The following KCNH8 variants were observed in gnomAD, a reference collection of about 807,000 sequenced individuals.
KCNH8 encodes the protein potassium voltage-gated channel subfamily H member 8.
KCNH8 carries 70 observed loss-of-function variants against 103.6 expected under a neutral mutation model. That is an observed-to-expected ratio of 0.68 (90% CI 0.56 to 0.82). The LOEUF (loss-of-function observed/expected upper bound fraction) is 0.82. KCNH8 is among the 40% of genes least tolerant of loss of function. The pLI is 0.00. For synonymous variants in KCNH8, 498 were observed against 489.4 expected (o/e 1.02, Z -0.23); for missense variants, 1,217 against 1,329.9 (o/e 0.92, Z 1.32).
intron 5 of KCNH8, among the ~76,000 whole-genome samples, chr3:19,376,778 G>A (rs2066213676): frequency 6.6e-6 from 1 of 152,230 alleles, no homozygotes; most frequent in South Asian, 2.1e-4. Flanking sequence ...AATGGGAAGT[G>A]TGAAGAGACT....
At chr3:19,207,454 A>T (rs2063728717) in intron 1 of KCNH8, among the ~76,000 whole-genome samples, 1 of 151,986 alleles carries the variant, frequency 6.6e-6, no homozygotes. Flanking sequence ...TGAATAAAGG[A>T]TCTCTTTTAA....
At chr3:19,156,557 C>T (rs2063182614) in intron 1 of KCNH8, among the ~76,000 whole-genome samples, 1 of 152,128 alleles carries the variant, frequency 6.6e-6, no homozygotes, top group Non-Finnish European at 1.5e-5. Flanking sequence ...AGATTCATAA[C>T]TGGAACTACT....
intron 7 of KCNH8, among the ~76,000 whole-genome samples, chr3:19,401,633 C>T (rs186334738): frequency 2.4e-4 from 37 of 151,870 alleles, no homozygotes; most frequent in African/African-American, 7.2e-4. Context: ...ACTCTTTTGT[C>T]GTAAGGAGCA....
At chr3:19,528,984 G>C (rs1389283563) in intron 15 of KCNH8, among the ~76,000 whole-genome samples, 1 of 152,084 alleles carries the variant, frequency 6.6e-6, no homozygotes, top group Non-Finnish European at 1.5e-5. Flanking sequence ...AGTATTAAAA[G>C]AAGTTTGAAG....
At chr3:19,364,346 C>G (rs2065983743) in intron 5 of KCNH8, among the ~76,000 whole-genome samples, 1 of 152,130 alleles carries the variant, frequency 6.6e-6, no homozygotes, top group African/African-American at 2.4e-5. Flanking sequence ...AACAATGACT[C>G]AATACGGCAT....
intron 11 of KCNH8, among the ~76,000 whole-genome samples, chr3:19,475,157 G>A (rs1446756982): frequency 6.6e-6 from 1 of 152,126 alleles, no homozygotes; most frequent in Non-Finnish European, 1.5e-5. Context: ...TATTCATTGA[G>A]GCATCATCCT....
At chr3:19,260,489 T>G (rs1372540731) in intron 2 of KCNH8, among the ~76,000 whole-genome samples, 219 of 3,452 alleles carry the variant, frequency 0.063, 2 homozygotes, top group Middle Eastern at 0.17. Context: ...CTCTATAGGA[T>G]ATATATATAT....
At chr3:19,188,187 G>A (rs985503795) in intron 1 of KCNH8, among the ~76,000 whole-genome samples, 1 of 151,986 alleles carries the variant, frequency 6.6e-6, no homozygotes, top group Non-Finnish European at 1.5e-5. Context: ...CTGTAATTGT[G>A]TTTATTTCTT....
chr3:19,460,028 G>C lies in KCNH8; in HGVS notation c.2040+3046G>C, dbSNP rs150720726. On this transcript the variant is annotated intron_variant, in intron 11 of 15. Coordinates refer to ENST00000328405, the MANE Select transcript of KCNH8 (RefSeq NM_144633.3). ...TTCTCATTTTAAAAAAGGAAAAGCG[G>C]GTGTCAGAATTTTGTTTAAATATAG... Among the ~76,000 whole-genome samples, 673 of 151,680 alleles carry C rather than the reference G, an allele frequency of 4.4e-3. 5 individuals are homozygous for C. The highest frequency in any genetic ancestry group is 0.019 in the South Asian group (93 of 4,790).
At chr3:19,483,496 G>A (rs1340262182) in intron 11 of KCNH8, among the ~76,000 whole-genome samples, 1 of 152,108 alleles carries the variant, frequency 6.6e-6, no homozygotes, top group African/African-American at 2.4e-5. Context: ...AATTCATCAG[G>A]AACTGGGTCT....
In KCNH8 at chr3:19,462,229, A is replaced by G. The variant is rs143269099; in HGVS notation, c.2040+5247A>G. ...GAGGAATTGCCACACTGTCTTCCAC[A>G]ATGGTTGAACTAGTTTACAGTCACA... On this transcript the variant is annotated intron_variant, in intron 11 of 15. Coordinates refer to ENST00000328405, the MANE Select transcript of KCNH8 (RefSeq NM_144633.3). 3.6e-3 allele frequency among the ~76,000 whole-genome samples: 552 copies of G among 152,318 alleles called. 5 individuals carry two copies. The highest frequency in any genetic ancestry group is 0.013 in the African/African-American group (525 of 41,566).
intron 3 of KCNH8, among the ~76,000 whole-genome samples, chr3:19,313,004 T>C (rs926498299): frequency 1.3e-5 from 2 of 149,306 alleles, no homozygotes; most frequent in South Asian, 4.2e-4. Flanking sequence ...ACTAGTTTTC[T>C]CCATAACTGC....
At chr3:19,422,436 C>T (rs2066964671) in intron 7 of KCNH8, among the ~76,000 whole-genome samples, 1 of 152,094 alleles carries the variant, frequency 6.6e-6, no homozygotes, top group Non-Finnish European at 1.5e-5. Context: ...ACACCAGGCA[C>T]TGTGCCAGAT....
At chr3:19,240,705 T>C (rs1243334694) in intron 1 of KCNH8, among the ~76,000 whole-genome samples, 1 of 151,886 alleles carries the variant, frequency 6.6e-6, no homozygotes, top group Non-Finnish European at 1.5e-5. Context: ...TTAAACAGCA[T>C]ATATAAGACC....
At chr3:19,262,739 T>A (rs1329662342) in intron 2 of KCNH8, among the ~76,000 whole-genome samples, 9 of 152,086 alleles carry the variant, frequency 5.9e-5, no homozygotes, top group Admixed American at 5.9e-4. Context: ...ACGACACTTG[T>A]AGTTGCTTTA....
chr3:19,481,139 CTTT>C (rs2068078514), intron 11 of KCNH8, among the ~76,000 whole-genome samples: 1 of 152,264 alleles, frequency 6.6e-6, no homozygotes, highest in East Asian at 1.9e-4. Flanking sequence ...CCTCAATCTT[CTTT>C]ATCTCTCTCA....
chr3:19,515,161 G>A (rs2068852860), intron 13 of KCNH8, among the ~76,000 whole-genome samples, 161 bp from the exon 14 acceptor site: 1 of 151,332 alleles, frequency 6.6e-6, no homozygotes, highest in Non-Finnish European at 1.5e-5. Context: ...CACATTTCAA[G>A]TACTCAATAG....
At chr3:19,464,513 CAATA>C in intron 11 of KCNH8, among the ~76,000 whole-genome samples, 1 of 151,540 alleles carries the variant, frequency 6.6e-6, no homozygotes, top group Non-Finnish European at 1.5e-5. Context: ...ACTGTAATAA[CAATA>C]AAGGAAAGAG....
At chr3:19,439,068 C>T (rs2125172296) in intron 8 of KCNH8, among the ~76,000 whole-genome samples, 1 of 152,260 alleles carries the variant, frequency 6.6e-6, no homozygotes, top group South Asian at 2.1e-4. Context: ...CCCTAGGCAA[C>T]TCATTTTATA....
Sources: gnomAD v4.1 joint callset for allele counts (sites outside exome capture counted in the v4.1 genomes callset) on GRCh38, gnomAD v4.1.1 for gene constraint, MANE v1.5 for transcripts, NCBI Gene and HGNC (gene_info 2026-07-23, HGNC 2026-07-21) for gene names.